Variants in ADAM12 observed in about 807,000 individuals in gnomAD.
ADAM12 encodes disintegrin and metalloproteinase domain-containing protein 12.
In ADAM12, 70 loss-of-function variants were observed where a neutral mutation model predicts 106.4. The ratio of observed to expected loss-of-function variants is 0.66; its 90% CI spans 0.54 to 0.80. The LOEUF is 0.80. ADAM12 is among the 30% of genes least tolerant of loss of function. The pLI is 0.00. For missense variants in ADAM12, 1,010 were observed against 1,171.9 expected (o/e 0.86, Z 2.02); for synonymous variants, 420 against 433.5 (o/e 0.97, Z 0.39).
intron 4 of ADAM12, among the ~76,000 whole-genome samples, chr10:126,147,631 C>CTCA (rs1300993570): frequency 3.9e-5 from 6 of 152,242 alleles, no homozygotes; most frequent in Non-Finnish European, 7.3e-5. Flanking sequence ...TTCATGCCTC[C>CTCA]TCAGCCTCCA....
At chr10:126,108,499 A>G (rs1195329606) in intron 8 of ADAM12, 94 bp downstream of exon 8, 1 of 1,147,272 alleles carries the variant, frequency 8.7e-7, no homozygotes, top group African/African-American at 1.5e-5. Context: ...CAGAGGCAGA[A>G]CCTCATCTCC....
At chr10:126,104,496 T>C (rs1196152393) in intron 8 of ADAM12, among the ~76,000 whole-genome samples, 1 of 149,598 alleles carries the variant, frequency 6.7e-6, no homozygotes, top group Non-Finnish European at 1.5e-5. Flanking sequence ...ATTAAATACA[T>C]AGACGATGAG....
chr10:126,036,053 G>T, intron 21 of ADAM12, 93 bp downstream of exon 21: 1 of 1,152,160 alleles, frequency 8.7e-7, no homozygotes. Context: ...CAGAGGCACC[G>T]AGAAGTTAAG....
chr10:126,251,485 T>C (rs1958747419), intron 3 of ADAM12, among the ~76,000 whole-genome samples: 1 of 10,536 alleles, frequency 9.5e-5, no homozygotes, highest in Non-Finnish European at 2.0e-4. Context: ...GATGGACAGA[T>C]GGAATCGATG....
At position 126,032,494 on chromosome 10, in the gene ADAM12, G is replaced by A. The variant is rs193192382; in HGVS notation, c.2529+3652C>T. On this transcript the variant is annotated intron_variant, in intron 21 of 22. Coordinates refer to ENST00000448723, the MANE Select transcript of ADAM12 (RefSeq NM_001288973.2). Reference sequence around the variant, plus strand: ...AAAACAGAATGAAGGACTTTTTCGGGCCTGCTTTAAAGGAAATCTTGCAAG... The same window carrying A: ...AAAACAGAATGAAGGACTTTTTCGGACCTGCTTTAAAGGAAATCTTGCAAG... 3.8e-3 allele frequency among the ~76,000 whole-genome samples: 581 copies of A among 152,236 alleles called. 1 individual carries two copies. The highest frequency in any genetic ancestry group is 6.9e-3 in the Non-Finnish European group (466 of 68,006).
intron 11 of ADAM12, among the ~76,000 whole-genome samples, chr10:126,077,890 C>T (rs1157211284): frequency 6.6e-6 from 1 of 152,124 alleles, no homozygotes; most frequent in Non-Finnish European, 1.5e-5. Flanking sequence ...CTAAGATAGT[C>T]TCATTTGATC....
chr10:126,037,971 G>C (rs1291430828), intron 20 of ADAM12, among the ~76,000 whole-genome samples: 1 of 152,174 alleles, frequency 6.6e-6, no homozygotes, highest in Non-Finnish European at 1.5e-5. Flanking sequence ...CTGGGTGACT[G>C]AAGGGATCAC....
At chr10:126,317,738 G>T (rs1261104735) in intron 2 of ADAM12, among the ~76,000 whole-genome samples, 1 of 151,988 alleles carries the variant, frequency 6.6e-6, no homozygotes, top group Admixed American at 6.6e-5. Flanking sequence ...CAAATTCCTG[G>T]CATATTTCCT....
At position 126,288,638 on chromosome 10, in the gene ADAM12, G is replaced by A. The variant is rs537001922; in HGVS notation, c.187-9650C>T. Among the ~76,000 whole-genome samples, 3 of 151,888 alleles carry A rather than the reference G, an allele frequency of 2.0e-5. No individual in the cohort carries two copies. In the South Asian group the frequency reaches 6.3e-4, roughly 32 times the overall value. ...GGTGACATAGTGGCCCCAAGGACAG[G>A]ACCATGTGGTGACATGGTGGCCCTA... On this transcript the variant is annotated intron_variant, in intron 2 of 22. Coordinates refer to ENST00000448723, the MANE Select transcript of ADAM12 (RefSeq NM_001288973.2).
intron 3 of ADAM12, among the ~76,000 whole-genome samples, chr10:126,162,042 G>A (rs988292056): frequency 2.6e-5 from 4 of 152,134 alleles, no homozygotes; most frequent in African/African-American, 7.2e-5. Flanking sequence ...GGGATGACAC[G>A]TGACACCTAA....
At chr10:126,313,967 G>A (rs1451864783) in intron 2 of ADAM12, among the ~76,000 whole-genome samples, 1 of 152,036 alleles carries the variant, frequency 6.6e-6, no homozygotes, top group Non-Finnish European at 1.5e-5. Context: ...TTAAGGCAGA[G>A]ACGAGAAGGG....
chr10:126,368,635 T>G (rs986915420), intron 1 of ADAM12, among the ~76,000 whole-genome samples: 5 of 145,992 alleles, frequency 3.4e-5, no homozygotes, highest in Non-Finnish European at 6.1e-5. Flanking sequence ...CAAATCAGCC[T>G]GATGTAAGTT....
rs562103203 is a variant in ADAM12, at chr10:126,100,469, C to T, written c.911+603G>A. On this transcript the variant is annotated intron_variant, in intron 9 of 22. Coordinates refer to ENST00000448723, the MANE Select transcript of ADAM12 (RefSeq NM_001288973.2). Reference sequence around the variant, plus strand: ...CTGTAATCCCAGCACTTTGGGAGGCCGAGGTGGGCGGATCATGAGGTCAGG... The same window carrying T: ...CTGTAATCCCAGCACTTTGGGAGGCTGAGGTGGGCGGATCATGAGGTCAGG... 9.3e-5 allele frequency among the ~76,000 whole-genome samples: 14 copies of T among 151,246 alleles called. No individual in the cohort carries two copies. The South Asian group carries it at 2.7e-3, about 29-fold the overall frequency.
chr10:126,268,525 A>T (rs545949568), intron 3 of ADAM12, among the ~76,000 whole-genome samples: 15 of 152,336 alleles, frequency 9.8e-5, no homozygotes, highest in Admixed American at 7.8e-4. Context: ...TATGCCACAT[A>T]CTGTCAGCAT....
chr10:126,121,111 GTA>G (rs59824710), intron 5 of ADAM12, among the ~76,000 whole-genome samples: 2,537 of 23,576 alleles, frequency 0.11, 259 homozygotes, highest in African/African-American at 0.28. Flanking sequence ...ATTATATATA[GTA>G]TATATATAGT....
chr10:126,230,264 C>T (rs1958284573), intron 3 of ADAM12, among the ~76,000 whole-genome samples: 2 of 152,180 alleles, frequency 1.3e-5, no homozygotes, highest in Non-Finnish European at 2.9e-5. Flanking sequence ...TTTCTACCCG[C>T]CCCTCACACC....
intron 11 of ADAM12, chr10:126,091,013 A>T (rs1376351670): frequency 6.6e-6 from 1 of 152,170 alleles, no homozygotes; most frequent in Non-Finnish European, 1.5e-5. Context: ...TGGTGGGAGG[A>T]GGAAGACACA....
chr10:126,364,796 T>C (rs113627980), intron 1 of ADAM12, among the ~76,000 whole-genome samples: 5 of 152,268 alleles, frequency 3.3e-5, no homozygotes, highest in African/African-American at 9.6e-5. Flanking sequence ...AACTGCATTA[T>C]TAAGAATTTA....
At chr10:126,080,801 A>T (rs1162933978) in intron 11 of ADAM12, among the ~76,000 whole-genome samples, 2 of 152,326 alleles carry the variant, frequency 1.3e-5, no homozygotes, top group East Asian at 1.9e-4. Flanking sequence ...CCCACCATAA[A>T]GGCAGTCACA....
Sources: allele counts gnomAD v4.1 joint callset (sites outside exome capture counted in the v4.1 genomes callset), GRCh38; gene constraint gnomAD v4.1.1; transcripts MANE v1.5; gene names NCBI Gene and HGNC (gene_info 2026-07-23, HGNC 2026-07-21).